The following DACH1 variants were observed in gnomAD, a reference collection of about 807,000 sequenced individuals.
DACH1 encodes dachshund homolog 1.
A neutral mutation model predicts 54.2 loss-of-function variants in DACH1; 12 were observed. The ratio of observed to expected loss-of-function variants is 0.22; its 90% CI spans 0.14 to 0.36. The LOEUF (loss-of-function observed/expected upper bound fraction) is 0.36, where lower values mean the gene tolerates loss of function less well. Ranked by LOEUF, DACH1 falls within the 10% of genes least tolerant of loss-of-function variation. DACH1 has a pLI of 1.00. For synonymous variants in DACH1, 386 were observed against 366.2 expected, an observed-to-expected ratio of 1.05 and a Z score of -0.62; for missense variants, 805 against 929.8, an observed-to-expected ratio of 0.87 and a Z score of 1.75.
chr13:71,535,755 A>T (rs1014108168), intron 6 of DACH1, among the ~76,000 whole-genome samples: 8 of 152,024 alleles, frequency 5.3e-5, no homozygotes. Context: ...AACAAGCTCT[A>T]TAACAACTGG....
At chr13:71,687,402 T>C (rs1226223280) in intron 1 of DACH1, among the ~76,000 whole-genome samples, 1 of 151,944 alleles carries the variant, frequency 6.6e-6, no homozygotes, top group Admixed American at 6.6e-5. Context: ...AAAAGTAAGA[T>C]ACAAACCTGC....
At chr13:71,855,540 C>G (rs1180356092) in intron 1 of DACH1, among the ~76,000 whole-genome samples, 1 of 151,996 alleles carries the variant, frequency 6.6e-6, no homozygotes. Flanking sequence ...CAAACTACTA[C>G]ACACCTAAAT....
chr13:71,784,136 T>C (rs1024992798), intron 1 of DACH1, among the ~76,000 whole-genome samples: 12 of 152,202 alleles, frequency 7.9e-5, no homozygotes, highest in African/African-American at 2.4e-4. Flanking sequence ...CAGTTGGATT[T>C]GTAATGGTAC....
intron 6 of DACH1, among the ~76,000 whole-genome samples, chr13:71,552,822 TATATATATATATATATATATAGAGAG>T (rs1185748231): frequency 1.2e-3 from 62 of 53,896 alleles, no homozygotes; most frequent in African/African-American, 2.4e-3. Context: ...TATATATATA[TATATATATATATATATATATAGAGAG>T]AGAGAGAGAG....
chr13:71,620,872 T>G (rs1431222860), intron 3 of DACH1, among the ~76,000 whole-genome samples: 39 of 149,700 alleles, frequency 2.6e-4, no homozygotes, highest in Admixed American at 2.6e-3. Flanking sequence ...ATAGATGAAT[T>G]ATTTATTTTT....
chr13:71,551,957 A>G (rs1476140723), intron 6 of DACH1, among the ~76,000 whole-genome samples: 1 of 152,018 alleles, frequency 6.6e-6, no homozygotes, highest in Non-Finnish European at 1.5e-5. Flanking sequence ...CACCAAGCAG[A>G]ATATGACACA....
chr13:71,552,836 TATATATAGAGAGAGAGAGAGAGAGAG>T (rs1883952340), intron 6 of DACH1, among the ~76,000 whole-genome samples: 2 of 27,186 alleles, frequency 7.4e-5, no homozygotes, highest in African/African-American at 1.6e-4. Context: ...TATATATATA[TATATATAGAGAGAGAGAGAGAGAGAG>T]AGAGAGAGAG....
chr13:71,787,541 G>A (rs770044921), intron 1 of DACH1, among the ~76,000 whole-genome samples: 5 of 152,096 alleles, frequency 3.3e-5, no homozygotes, highest in Non-Finnish European at 2.9e-5. Flanking sequence ...CAGAATATGC[G>A]CAGCATTCTG....
chr13:71,604,225 AT>A (rs1295713759), intron 3 of DACH1, among the ~76,000 whole-genome samples: 1 of 151,954 alleles, frequency 6.6e-6, no homozygotes, highest in Non-Finnish European at 1.5e-5. Context: ...TTAATTTTTC[AT>A]TTATCTCATA....
intron 1 of DACH1, among the ~76,000 whole-genome samples, chr13:71,690,567 T>C (rs1211019116): frequency 6.6e-6 from 1 of 152,176 alleles, no homozygotes; most frequent in Non-Finnish European, 1.5e-5. Flanking sequence ...GTTAATACTA[T>C]ATTGGATTCT....
chr13:71,761,657 C>T (rs1204730182), intron 1 of DACH1, among the ~76,000 whole-genome samples: 1 of 152,174 alleles, frequency 6.6e-6, no homozygotes, highest in Admixed American at 6.5e-5. Context: ...TTGTTAAATG[C>T]AGGTTTTGAT....
At chr13:71,444,941 T>C (rs935291373) in intron 10 of DACH1, among the ~76,000 whole-genome samples, 3 of 152,140 alleles carry the variant, frequency 2.0e-5, no homozygotes, top group African/African-American at 7.2e-5. Flanking sequence ...CCTCTCTCCC[T>C]ACTTCCCCTT....
chr13:71,755,286 G>A (rs967769275), intron 1 of DACH1, among the ~76,000 whole-genome samples: 8 of 152,158 alleles, frequency 5.3e-5, no homozygotes, highest in Non-Finnish European at 1.2e-4. Flanking sequence ...GGATATTAAA[G>A]CTGCAATACA....
chr13:71,454,287 C>A (rs1482477467), intron 10 of DACH1, among the ~76,000 whole-genome samples: 3 of 152,112 alleles, frequency 2.0e-5, no homozygotes, highest in African/African-American at 7.2e-5. Context: ...TGATTCCATT[C>A]TCACTAGGGA....
chr13:71,641,396 G>A (rs1182517712), intron 2 of DACH1, among the ~76,000 whole-genome samples: 1 of 152,018 alleles, frequency 6.6e-6, no homozygotes, highest in Non-Finnish European at 1.5e-5. Context: ...ACCAGTGGTT[G>A]AGGCATTATA....
intron 10 of DACH1, among the ~76,000 whole-genome samples, chr13:71,442,835 G>A (rs541239926): frequency 2.2e-4 from 33 of 151,884 alleles, no homozygotes; most frequent in Non-Finnish European, 3.7e-4. Flanking sequence ...TCTAATATAA[G>A]TTATGTAAAT....
chr13:71,511,204 G>A (rs1294566818), intron 6 of DACH1, among the ~76,000 whole-genome samples: 5 of 151,992 alleles, frequency 3.3e-5, no homozygotes, highest in East Asian at 1.9e-4. Flanking sequence ...GAAGAAAGAT[G>A]AGCATGGTGG....
At chr13:71,731,788 T>A (rs1200260519) in intron 1 of DACH1, among the ~76,000 whole-genome samples, 1 of 152,218 alleles carries the variant, frequency 6.6e-6, no homozygotes, top group East Asian at 1.9e-4. Flanking sequence ...CCAAATATTC[T>A]GTCTCTATAG....
At chr13:71,826,610 T>C (rs920562182) in intron 1 of DACH1, among the ~76,000 whole-genome samples, 2 of 152,140 alleles carry the variant, frequency 1.3e-5, no homozygotes, top group Non-Finnish European at 2.9e-5. Flanking sequence ...TAGTTGTGTA[T>C]ACATAAAGAT....
Sources: allele counts gnomAD v4.1 joint callset (sites outside exome capture counted in the v4.1 genomes callset), GRCh38; gene constraint gnomAD v4.1.1; transcripts MANE v1.5; gene names NCBI Gene and HGNC (gene_info 2026-07-23, HGNC 2026-07-21).